The following FAM181A variants were observed in gnomAD, a reference collection of about 807,000 sequenced individuals.
FAM181A encodes family with sequence similarity 181 member A.
FAM181A carries 7 observed loss-of-function variants against 16.3 expected under a neutral mutation model. The observed-to-expected ratio is 0.43, with a 90% CI of 0.24 to 0.81. The LOEUF is 0.81. Ranked by LOEUF, FAM181A falls within the 30% of genes least tolerant of loss-of-function variation. FAM181A has a pLI of 0.24. For synonymous variants in FAM181A, 183 were observed against 164.9 expected (o/e 1.11, Z -0.84); for missense variants, 349 against 377.5 (o/e 0.92, Z 0.63).
upstream of FAM181A, chr14:93,923,696 T>G (rs1595284071): frequency 6.6e-6 from 1 of 152,330 alleles, no homozygotes; most frequent in East Asian, 1.9e-4. Context: ...AACAACCGGT[T>G]GGGAAGGGTC....
In FAM181A at chr14:93,927,449, C is replaced by T; in HGVS notation, c.-93C>T. 1 of 1,229,408 alleles carries T rather than the reference C, an allele frequency of 8.1e-7. No individual in the cohort carries two copies. Among genetic ancestry groups the T allele is most frequent in the Non-Finnish European group, 1.0e-6 (1 of 953,942 alleles). The allele number at this position is 1,229,408 out of a possible 1,614,324, so 76.2% of individuals were successfully genotyped here. ...CCACGTTGGTGGGGCCTGGGCCGCACCTTCGGTCAGTGTGGAGGCCCGGTG... is the reference window on the plus strand; with the variant it reads ...CCACGTTGGTGGGGCCTGGGCCGCATCTTCGGTCAGTGTGGAGGCCCGGTG... On this transcript the variant is annotated 5_prime_UTR_variant, in exon 1 of 2. Coordinates refer to ENST00000556222, the MANE Select transcript of FAM181A (RefSeq NM_001207073.2).
upstream of FAM181A, chr14:93,925,414 G>A (rs778217173): frequency 3.2e-6 from 5 of 1,579,668 alleles, no homozygotes; most frequent in Non-Finnish European, 4.3e-6. Context: ...GGTTCAAACT[G>A]TTGGCTGTGC....
chr14:93,927,470 C>T lies in FAM181A; in HGVS notation c.-88+16C>T. 11 of 1,242,152 alleles carry T rather than the reference C, an allele frequency of 8.9e-6. No individual in the cohort carries two copies. The highest frequency in any genetic ancestry group is 1.1e-5 in the Non-Finnish European group (11 of 963,602). The allele number at this position is 1,242,152 out of a possible 1,614,324, so 76.9% of individuals were successfully genotyped here. The stretch of plus-strand genomic sequence containing the variant: ...CGCACCTTCGGTCAGTGTGGAGGCC[C>T]GGTGGCTCTGGCCCGACTGGGTGGC... On this transcript the variant is annotated intron_variant, in intron 1 of 1. Transcript: ENST00000556222.
Position 93,929,043 on chromosome 14 carries a change from C to A in FAM181A, c.758C>A (p.Ala253Glu). 1 of 1,601,550 alleles carries A rather than the reference C, an allele frequency of 6.2e-7. No individual in the cohort carries two copies. The highest frequency in any genetic ancestry group is 8.5e-7 in the Non-Finnish European group (1 of 1,173,120). Residue 253 changes from alanine (A) to glutamate (E), a missense_variant, in exon 2 of 2, where the codon GCG becomes GAG. Transcript: ENST00000556222. The part of the protein sequence containing the change: ...RKSPAFPGEL[A>E]HLCKDVDGLG... ...AGCCCAGCCTTTCCCGGGGAGCTGG[C>A]GCACCTCTGCAAGGATGTGGACGGC... is the stretch of plus-strand genomic sequence containing the variant.
At chr14:93,923,966 G>A (rs1360744936), upstream of FAM181A, 1 of 152,230 alleles carries the variant, frequency 6.6e-6, no homozygotes, top group Admixed American at 6.5e-5. Flanking sequence ...GAGACAGAAA[G>A]CTGTGAAAGA....
At chr14:93,920,905 T>C (rs1887700665) in intron 1 of FAM181A, among the ~76,000 whole-genome samples, 1 of 152,224 alleles carries the variant, frequency 6.6e-6, no homozygotes, top group Non-Finnish European at 1.5e-5. Flanking sequence ...GTCCTCAGAC[T>C]CACCAGCTCT....
intron 1 of FAM181A, among the ~76,000 whole-genome samples, chr14:93,921,696 C>T (rs559148123): frequency 4.8e-4 from 73 of 152,214 alleles, no homozygotes; most frequent in African/African-American, 1.2e-3. Context: ...TGTGGTCGGT[C>T]GGGCCTAACT....
At chr14:93,927,680 T>TG (rs1381735030) in intron 1 of FAM181A, 2 of 1,040,844 alleles carry the variant, frequency 1.9e-6, no homozygotes, top group Non-Finnish European at 2.3e-6. Context: ...GCGTGAGAGC[T>TG]GGGGGTGGAG....
chr14:93,929,080 G>A lies in FAM181A; in HGVS notation c.795G>A (p.Lys265=). The A allele has an allele frequency of 6.4e-7, 1 of 1,567,270 alleles. No individual in the cohort carries two copies. Among genetic ancestry groups the A allele is most frequent in the Non-Finnish European group, 8.7e-7 (1 of 1,156,024 alleles). Residue 265 remains lysine, a synonymous_variant, in exon 2 of 2, where the codon AAG becomes AAA. Transcript: ENST00000556222. Reference sequence around the variant, plus strand: ...AGGATGTGGACGGCCTGGGGCAGAAGGTGTGCAGGCCCGTGGTGCTGAAAC... The same window carrying A: ...AGGATGTGGACGGCCTGGGGCAGAAAGTGTGCAGGCCCGTGGTGCTGAAAC... ...LCKDVDGLGQ[K]VCRPVVLKPI...
rs185846770 is a variant in FAM181A, at chr14:93,928,387, C to T, written c.102C>T (p.Ser34=). 131 of 1,613,916 alleles carry T rather than the reference C, an allele frequency of 8.1e-5. 2 individuals are homozygous for T. The East Asian group carries it at 2.1e-3, about 26-fold the overall frequency. The change falls in exon 2 of 2, where the codon TCC becomes TCT. Residue 34 remains serine (S), a synonymous_variant. Transcript: ENST00000556222. ...ALDKSAPCRR[S]VDHRKYLQKQ... The stretch of plus-strand genomic sequence containing the variant: ...ATAAGTCCGCACCCTGCCGCCGCTC[C>T]GTGGACCATCGCAAGTACCTGCAGA...
At chr14:93,925,298 T>C, upstream of FAM181A, 4 of 1,613,722 alleles carry the variant, frequency 2.5e-6, no homozygotes, top group Non-Finnish European at 3.4e-6. Flanking sequence ...GAAGATCTTC[T>C]GGAGAGAGGA....
At chr14:93,921,197 C>T (rs2141250684) in intron 1 of FAM181A, among the ~76,000 whole-genome samples, 1 of 152,296 alleles carries the variant, frequency 6.6e-6, no homozygotes, top group Admixed American at 6.5e-5. Context: ...GATCACACAG[C>T]CAGGTAGGGG....
rs1158740103 is a variant in FAM181A, at chr14:93,928,574, G to A, written c.289G>A (p.Glu97Lys). ...SSPGGGGGCKEKVLRNPYREE... is the reference protein window; with the variant it reads ...SSPGGGGGCKKKVLRNPYREE... ...CCCCGGCGGGGGTGGGGGCTGCAAG[G>A]AGAAGGTGCTGAGGAACCCCTACAG... Residue 97 changes from glutamate (E) to lysine (K), a missense_variant, in exon 2 of 2, where the codon GAG becomes AAG. Transcript: ENST00000556222. 1 of 1,613,768 alleles carries A rather than the reference G, an allele frequency of 6.2e-7. No homozygotes were observed. Among genetic ancestry groups the A allele is most frequent in the African/African-American group, 1.3e-5 (1 of 75,058 alleles).
intron 1 of FAM181A, among the ~76,000 whole-genome samples, chr14:93,919,700 C>T (rs931706968): frequency 6.6e-6 from 1 of 152,156 alleles, no homozygotes. Flanking sequence ...TTCTTGTTGC[C>T]GAGAAAGTCC....
At chr14:93,921,455 T>C (rs1217678201) in intron 1 of FAM181A, among the ~76,000 whole-genome samples, 10 of 152,230 alleles carry the variant, frequency 6.6e-5, no homozygotes, top group Non-Finnish European at 1.3e-4. Context: ...GCCCTCGGCC[T>C]GCCAGCCAGA....
In FAM181A at chr14:93,928,795, T is replaced by C; in HGVS notation, c.510T>C (p.Asn170=). The C allele has an allele frequency of 5.6e-6, 9 of 1,613,848 alleles. No homozygotes were observed. The highest frequency in any genetic ancestry group is 5.9e-6 in the Non-Finnish European group (7 of 1,179,872). The change falls in exon 2 of 2, where the codon AAT becomes AAC. Residue 170 remains asparagine (N), a synonymous_variant. Coordinates refer to ENST00000556222, the MANE Select transcript of FAM181A (RefSeq NM_001207073.2). ...GACCTCCCTATGAGGGTAAGAAAAA[T>C]TGCAAGGGCTTGGAGCCCCTGGGAC... is the stretch of plus-strand genomic sequence containing the variant. ...REGPPYEGKK[N]CKGLEPLGPE... is the part of the protein sequence containing the mutation.
At chr14:93,924,290 G>A (rs1309911513), upstream of FAM181A, among the ~76,000 whole-genome samples, 2 of 152,200 alleles carry the variant, frequency 1.3e-5, no homozygotes, top group Admixed American at 1.3e-4. Context: ...GGAGGAGGGG[G>A]TGTTTGAGCT....
upstream of FAM181A, chr14:93,925,518 G>A: frequency 3.1e-6 from 2 of 653,814 alleles, no homozygotes; most frequent in South Asian, 4.2e-5. Flanking sequence ...AGATGTTTTG[G>A]AGCAGAAAGG....
chr14:93,929,290 G>A lies in FAM181A; in HGVS notation c.*126G>A. 1 of 1,291,942 alleles carries A rather than the reference G, an allele frequency of 7.7e-7. No homozygotes were observed. Among genetic ancestry groups the A allele is most frequent in the South Asian group, 1.8e-5 (1 of 54,312 alleles). The allele number at this position is 1,291,942 out of a possible 1,614,324, so 80.0% of individuals were successfully genotyped here. On this transcript the variant is annotated 3_prime_UTR_variant, in exon 2 of 2. Transcript: ENST00000556222. ...CTTCCGTTTGTGTGCGCATGGGAGT[G>A]GAGGGCAGGATTGGGGCAGGGCTCC...
Sources: allele counts gnomAD v4.1 joint callset (sites outside exome capture counted in the v4.1 genomes callset), GRCh38; gene constraint gnomAD v4.1.1; transcripts MANE v1.5; gene names NCBI Gene and HGNC (gene_info 2026-07-23, HGNC 2026-07-21).